FRZB: variants seen among roughly 807,000 people sequenced by gnomAD.
The protein encoded by FRZB is frizzled related protein.
In FRZB, 34 loss-of-function variants were observed where a neutral mutation model predicts 32.5. The observed-to-expected ratio is 1.05, with a 90% CI of 0.80 to 1.39. The LOEUF is 1.39. FRZB is among the 40% of genes most tolerant of loss of function. FRZB has a pLI of 0.00. For synonymous variants in FRZB, 170 were observed against 159.2 expected (o/e 1.07, Z -0.51); for missense variants, 423 against 424.8 (o/e 1.00, Z 0.04).
intron 2 of FRZB, among the ~76,000 whole-genome samples, chr2:182,843,358 T>C (rs1195436334): frequency 6.6e-6 from 1 of 152,156 alleles, no homozygotes; most frequent in Non-Finnish European, 1.5e-5. Context: ...TTATACCTTT[T>C]ATAGAAGAGC....
chr2:182,865,272 C>T (rs1484545078), intron 1 of FRZB, among the ~76,000 whole-genome samples: 1 of 151,982 alleles, frequency 6.6e-6, no homozygotes, highest in African/African-American at 2.4e-5. Context: ...TGATAACACG[C>T]CTTAAATATA....
chr2:182,864,193 G>A (rs1695865027), intron 1 of FRZB, among the ~76,000 whole-genome samples: 1 of 152,182 alleles, frequency 6.6e-6, no homozygotes, highest in Non-Finnish European at 1.5e-5. Flanking sequence ...TAATGAAACT[G>A]CTTCCTATCC....
intron 1 of FRZB, among the ~76,000 whole-genome samples, chr2:182,865,818 G>A (rs1358882715): frequency 6.6e-6 from 1 of 152,224 alleles, no homozygotes; most frequent in Non-Finnish European, 1.5e-5. Flanking sequence ...TGGAATGCAT[G>A]GATTGTTTTA....
Position 182,858,730 on chromosome 2 carries a change from A to T in FRZB, c.526+56T>A. ...CATGAATGACTTAAGTATCTAAATT[A>T]CATCAATGACTAATCTGACCACAAA... On this transcript the variant is annotated intron_variant, in intron 2 of 5. Coordinates refer to ENST00000295113, the MANE Select transcript of FRZB (RefSeq NM_001463.4). The T allele has an allele frequency of 1.0e-5, 14 of 1,355,912 alleles. 1 individual carries two copies. The South Asian group carries it at 1.2e-4, about 11-fold the overall frequency. 84.0% of individuals were successfully genotyped at this position (1,355,912 alleles called of 1,614,324 possible).
Position 182,841,827 on chromosome 2 carries a change from A to G in FRZB, c.592+651T>C, listed in dbSNP as rs115647752. 8.8e-3 allele frequency among the ~76,000 whole-genome samples: 1,338 copies of G among 152,268 alleles called. 17 individuals are homozygous for G. Among genetic ancestry groups the G allele is most frequent in the African/African-American group, 0.026 (1,087 of 41,548 alleles). ...CAGCTGAGAAAATTAAAGATAATGT[A>G]TGGAAATCACTTAGCACAGTCCCTG... is the stretch of plus-strand genomic sequence containing the variant. On this transcript the variant is annotated intron_variant, in intron 3 of 5. Transcript: ENST00000295113.
At chr2:182,863,187 G>A (rs1215641390) in intron 1 of FRZB, among the ~76,000 whole-genome samples, 1 of 152,022 alleles carries the variant, frequency 6.6e-6, no homozygotes, top group East Asian at 1.9e-4. Context: ...TGATGTCGGG[G>A]CAGAGTCATT....
At position 182,837,444 on chromosome 2, in the gene FRZB, C is replaced by T. The variant is rs1256373055; in HGVS notation, c.861+504G>A. On this transcript the variant is annotated intron_variant, in intron 5 of 5. Coordinates refer to ENST00000295113, the MANE Select transcript of FRZB (RefSeq NM_001463.4). ...TGCAGTTTGTTCAAAGAAGCAATAT[C>T]CCCAGGTTTAAAAAGACTACATTTT... 1.6e-4 allele frequency among the ~76,000 whole-genome samples: 25 copies of T among 151,950 alleles called. 1 individual carries two copies. Among genetic ancestry groups the T allele is most frequent in the Admixed American group, 1.6e-3 (25 of 15,212 alleles).
intron 3 of FRZB, among the ~76,000 whole-genome samples, chr2:182,841,290 A>G (rs1695583606): frequency 6.6e-6 from 1 of 152,156 alleles, no homozygotes; most frequent in South Asian, 2.1e-4. Context: ...ACTAAACCCA[A>G]AATTTTCAAC....
rs558032182 is a variant in FRZB, at chr2:182,855,335, A to T, written c.526+3451T>A. Among the ~76,000 whole-genome samples, 6 of 152,320 alleles carry T rather than the reference A, an allele frequency of 3.9e-5. 1 individual carries two copies. The highest frequency in any genetic ancestry group is 1.4e-4 in the African/African-American group (6 of 41,572). On this transcript the variant is annotated intron_variant, in intron 2 of 5. Transcript: ENST00000295113. ...AATGTTGACTTGAGTGGGACAAGAC[A>T]ATTAGGTGACACAGATGACTTTACG...
Position 182,838,615 on chromosome 2 carries a change from T to C in FRZB, c.593-2A>G. On this transcript the variant is annotated splice_acceptor_variant, in intron 3 of 5. Coordinates refer to ENST00000295113, the MANE Select transcript of FRZB (RefSeq NM_001463.4). LOFTEE classifies it high-confidence loss of function. ...TCTCTTTAACTTTAGCCCGAATGAC[T>C]GGGATAAAAGACAAGAAAAGCTGAT... 1.2e-6 allele frequency: 2 copies of C among 1,610,928 alleles called. No individual in the cohort carries two copies. Among genetic ancestry groups the C allele is most frequent in the Non-Finnish European group, 1.7e-6 (2 of 1,177,520 alleles).
chr2:182,838,236 G>A lies in FRZB; in HGVS notation c.797+173C>T, dbSNP rs1561369. On this transcript the variant is annotated intron_variant, in intron 4 of 5. Transcript: ENST00000295113. ...AAAAATGTAAACCTATAAACTACAC[G>A]CATACACCCATTCCATATATGAAAT... Among the ~76,000 whole-genome samples the A allele has an allele frequency of 0.08, 12,209 of 151,834 alleles. 754 individuals are homozygous for A. Among genetic ancestry groups the A allele is most frequent in the Non-Finnish European group, 0.12 (8,151 of 67,874 alleles).
rs777379114 is a variant in FRZB at position 182,834,816 on chromosome 2, A to G, written c.*33T>C. The G allele has an allele frequency of 3.4e-6, 5 of 1,456,216 alleles. No individual in the cohort carries two copies. Among genetic ancestry groups the G allele is most frequent in the Non-Finnish European group, 4.8e-6 (5 of 1,036,944 alleles). 90.2% of individuals were successfully genotyped at this position (1,456,216 alleles called of 1,614,324 possible). A position where few individuals can be genotyped will look rare whatever the true frequency, so the allele number is the denominator to read the frequency against. ...AGCAATGCAAGTAAGTCTTAATAGG[A>G]AGTCCACTGTGTTACTTTTTGTATT... On this transcript the variant is annotated 3_prime_UTR_variant, in exon 6 of 6. Coordinates refer to ENST00000295113, the MANE Select transcript of FRZB (RefSeq NM_001463.4).
intron 2 of FRZB, among the ~76,000 whole-genome samples, chr2:182,849,462 G>T (rs540593921): frequency 9.1e-4 from 138 of 152,092 alleles, no homozygotes; most frequent in Middle Eastern, 6.8e-3. Context: ...TCTTGACTTA[G>T]TAACCATTCA....
intron 2 of FRZB, among the ~76,000 whole-genome samples, chr2:182,853,072 G>A (rs1695727387): frequency 6.6e-6 from 1 of 152,086 alleles, no homozygotes; most frequent in Admixed American, 6.5e-5. Context: ...ATTTTTGAGT[G>A]TGAACAAATT....
chr2:182,836,923 G>C (rs1028597145), intron 5 of FRZB, among the ~76,000 whole-genome samples: 1 of 152,016 alleles, frequency 6.6e-6, no homozygotes, highest in Non-Finnish European at 1.5e-5. Context: ...CTACATTTTT[G>C]TAGGTCACTT....
intron 2 of FRZB, among the ~76,000 whole-genome samples, chr2:182,844,409 T>A (rs1695617872): frequency 2.0e-5 from 3 of 152,220 alleles, no homozygotes; most frequent in African/African-American, 7.2e-5. Flanking sequence ...TTACATGTAT[T>A]TTTAAAGAGA....
intron 3 of FRZB, among the ~76,000 whole-genome samples, 180 bp downstream of exon 3, chr2:182,842,297 GC>G (rs1216831961): frequency 6.6e-6 from 1 of 152,120 alleles, no homozygotes; most frequent in Non-Finnish European, 1.5e-5. Context: ...TAAGCATTTT[GC>G]CCGTGTGAGA....
chr2:182,842,263 T>C (rs1031455421), intron 3 of FRZB, among the ~76,000 whole-genome samples: 1 of 152,186 alleles, frequency 6.6e-6, no homozygotes, highest in Non-Finnish European at 1.5e-5. Flanking sequence ...TACTGCTTGA[T>C]GTGCTTCAAC....
At chr2:182,863,400 T>C (rs1355555508) in intron 1 of FRZB, among the ~76,000 whole-genome samples, 2 of 152,252 alleles carry the variant, frequency 1.3e-5, no homozygotes, top group Non-Finnish European at 2.9e-5. Flanking sequence ...AACCCGTTCT[T>C]TTCAAAAATA....
Sources: allele counts gnomAD v4.1 joint callset (sites outside exome capture counted in the v4.1 genomes callset), GRCh38; gene constraint gnomAD v4.1.1; transcripts MANE v1.5; gene names NCBI Gene and HGNC (gene_info 2026-07-23, HGNC 2026-07-21).